The following ZBTB38 variants were observed in gnomAD, a reference collection of about 807,000 sequenced individuals.
ZBTB38 encodes the protein zinc finger and BTB domain-containing protein 38.
Under a neutral mutation model 76.8 loss-of-function variants are expected in ZBTB38, and 20 were observed. That is an observed-to-expected ratio of 0.26 (90% CI 0.18 to 0.38). The LOEUF is 0.38. Among genes scored for constraint, ZBTB38 ranks in the 10% least tolerant of loss-of-function variants. ZBTB38 has a pLI of 1.00. For missense variants in ZBTB38, 1,082 were observed against 1,482.3 expected (o/e 0.73, Z 4.43); for synonymous variants, 504 against 544.2 (o/e 0.93, Z 1.03).
At chr3:141,336,543 C>T in intron 1 of ZBTB38, among the ~76,000 whole-genome samples, 1 of 152,128 alleles carries the variant, frequency 6.6e-6, no homozygotes, top group East Asian at 1.9e-4. Flanking sequence ...GAGATGGAGT[C>T]TCACTGTGTT....
At chr3:141,397,697 G>A (rs374136704) in intron 4 of ZBTB38, among the ~76,000 whole-genome samples, 2 of 152,126 alleles carry the variant, frequency 1.3e-5, no homozygotes, top group South Asian at 4.2e-4. Flanking sequence ...AAATATGGAG[G>A]CCCAAGGAGA....
intron 5 of ZBTB38, among the ~76,000 whole-genome samples, chr3:141,441,595 C>T (rs2080233662): frequency 6.6e-6 from 1 of 152,166 alleles, no homozygotes; most frequent in African/African-American, 2.4e-5. Context: ...ACACACCCTG[C>T]AACTCTAGAG....
At chr3:141,408,546 C>CA (rs1259876794) in intron 5 of ZBTB38, among the ~76,000 whole-genome samples, 14 of 147,950 alleles carry the variant, frequency 9.5e-5, no homozygotes, top group Non-Finnish European at 1.8e-4. Context: ...CACTCCATCT[C>CA]AAAAAAGAAA....
chr3:141,388,404 G>T (rs979762269), intron 4 of ZBTB38: 3 of 152,140 alleles, frequency 2.0e-5, no homozygotes, highest in Non-Finnish European at 2.9e-5. Context: ...TTGGGGGGAT[G>T]AGGAGTTACA....
At chr3:141,334,691 C>A (rs1367952804) in intron 1 of ZBTB38, among the ~76,000 whole-genome samples, 3 of 152,036 alleles carry the variant, frequency 2.0e-5, no homozygotes, top group African/African-American at 7.2e-5. Flanking sequence ...CTCCCTATAC[C>A]TTCCCCAGCC....
intron 4 of ZBTB38, chr3:141,387,275 AC>A (rs1947368785): frequency 6.6e-6 from 1 of 150,794 alleles, no homozygotes; most frequent in Non-Finnish European, 1.5e-5. Context: ...CAAAACCAAA[AC>A]CCCCCACAAA....
intron 1 of ZBTB38, among the ~76,000 whole-genome samples, chr3:141,340,760 G>A (rs1423066100): frequency 1.3e-5 from 2 of 151,744 alleles, no homozygotes; most frequent in African/African-American, 4.9e-5. Context: ...AGCCGGGTGT[G>A]GTGGCGGGCA....
At position 141,443,701 on chromosome 3, in the gene ZBTB38, C is replaced by G. The variant is rs776773942; in HGVS notation, c.1313C>G (p.Ser438Cys). The G allele has an allele frequency of 6.8e-6, 11 of 1,614,050 alleles. No individual in the cohort carries two copies. The East Asian group carries it at 1.3e-4, about 20-fold the overall frequency. Residue 438 changes from serine to cysteine, a missense_variant, in exon 6 of 6, where the codon TCC (serine) becomes TGC (cysteine). Physicochemically the swap from Ser to Cys is moderately radical, Grantham distance 112 (BLOSUM62 -1). Transcript: ENST00000321464. This position sits in a 1 kb window ranked among gnomAD's most constrained non-coding sequence, Gnocchi z 5.6. The part of the protein sequence containing the change: ...LLSENRIGEF[S>C]STGSTLPDTD... Reference sequence around the variant, plus strand: ...TCTGAAAATAGGATTGGTGAATTTTCCAGTACCGGAAGTACTTTGCCAGAC... The same window carrying G: ...TCTGAAAATAGGATTGGTGAATTTTGCAGTACCGGAAGTACTTTGCCAGAC...
intron 5 of ZBTB38, among the ~76,000 whole-genome samples, chr3:141,411,084 G>A (rs935571519): frequency 1.3e-5 from 2 of 152,170 alleles, no homozygotes; most frequent in Non-Finnish European, 2.9e-5. Flanking sequence ...TCCTGTTCAT[G>A]TGTTAGAACA....
At chr3:141,365,173 G>A (rs916306497), upstream of ZBTB38, among the ~76,000 whole-genome samples, 1 of 152,190 alleles carries the variant, frequency 6.6e-6, no homozygotes, top group African/African-American at 2.4e-5. Flanking sequence ...TAAACAAAAT[G>A]TTGTATACCC....
intron 4 of ZBTB38, among the ~76,000 whole-genome samples, chr3:141,391,998 G>A (rs1198049133): frequency 1.3e-5 from 2 of 152,116 alleles, no homozygotes; most frequent in Non-Finnish European, 2.9e-5. Context: ...ATGCTTTTCA[G>A]GTTATTCTGT....
chr3:141,410,231 GCCTTTAACCCTC>G (rs1397814839), intron 5 of ZBTB38, among the ~76,000 whole-genome samples: 1 of 152,146 alleles, frequency 6.6e-6, no homozygotes, highest in African/African-American at 2.4e-5. Context: ...TTTGGGTTCT[GCCTTTAACCCTC>G]TACACTTGAG....
rs2150627655 is a variant in ZBTB38 at position 141,434,100 on chromosome 3, A to G, written c.1-8289A>G. The G allele has an allele frequency of 5.1e-6, 3 of 589,644 alleles. No individual in the cohort carries two copies. The South Asian group carries it at 2.3e-4, about 44-fold the overall frequency. The allele number at this position is 589,644 out of a possible 1,614,324, so 36.5% of individuals were successfully genotyped here. A position where few individuals can be genotyped will look rare whatever the true frequency, so the allele number is the denominator to read the frequency against. On this transcript the variant is annotated intron_variant, in intron 5 of 5. Coordinates refer to ENST00000321464, the MANE Select transcript of ZBTB38 (RefSeq NM_001376113.1). ...ATGAATCAGATTGTCCCTGTACTCAAGGAGCTCATAGGGAAGATATAAATG... is the reference window on the plus strand; with the variant it reads ...ATGAATCAGATTGTCCCTGTACTCAGGGAGCTCATAGGGAAGATATAAATG...
At chr3:141,423,890 A>T (rs75742901) in intron 5 of ZBTB38, among the ~76,000 whole-genome samples, 1,650 of 152,342 alleles carry the variant, frequency 0.011, 30 homozygotes, top group African/African-American at 0.037. Flanking sequence ...ATATGTTATT[A>T]AAAAATCCCC....
intron 5 of ZBTB38, chr3:141,432,171 G>GTAGATT: frequency 1.0e-6 from 1 of 985,510 alleles, no homozygotes; most frequent in African/African-American, 1.7e-5. Context: ...GACCTGCGCA[G>GTAGATT]TAGATTTCAC....
At chr3:141,388,608 T>C (rs1947855459) in intron 4 of ZBTB38, 1 of 152,222 alleles carries the variant, frequency 6.6e-6, no homozygotes. Flanking sequence ...AATTTAACAC[T>C]GGGCCAGAAC....
chr3:141,423,247 G>A (rs1035396712), intron 5 of ZBTB38, among the ~76,000 whole-genome samples: 5 of 152,098 alleles, frequency 3.3e-5, no homozygotes, highest in African/African-American at 1.2e-4. Context: ...TTCAACTGTC[G>A]AGCATTTAAT....
At chr3:141,399,309 A>T (rs781441441) in intron 4 of ZBTB38, among the ~76,000 whole-genome samples, 1 of 152,148 alleles carries the variant, frequency 6.6e-6, no homozygotes, top group African/African-American at 2.4e-5. Context: ...ATTCTCCTGC[A>T]GGCCAAAATT....
At chr3:141,366,835 G>T (rs1943988662), upstream of ZBTB38, 1 of 152,196 alleles carries the variant, frequency 6.6e-6, no homozygotes, top group Admixed American at 6.5e-5. Context: ...TCATGGAAAA[G>T]TACAAACCAC....
Sources: allele counts gnomAD v4.1 joint callset (sites outside exome capture counted in the v4.1 genomes callset), GRCh38; gene constraint gnomAD v4.1.1; non-coding constraint Gnocchi (gnomAD v3.1); transcripts MANE v1.5; gene names NCBI Gene and HGNC (gene_info 2026-07-23, HGNC 2026-07-21).